Variants in SMNDC1 observed in about 807,000 individuals in gnomAD.
SMNDC1 encodes the protein survival motor neuron domain containing 1, also known as survival of motor neuron-related-splicing factor 30.
SMNDC1 carries 5 observed loss-of-function variants against 29.2 expected under a neutral mutation model. The observed-to-expected ratio is 0.17, with a 90% CI of 0.09 to 0.36. The LOEUF is 0.36. Among genes scored for constraint, SMNDC1 ranks in the 10% least tolerant of loss-of-function variants. The pLI is 1.00. For missense variants in SMNDC1, 142 were observed against 268.5 expected (o/e 0.53, Z 3.29); for synonymous variants, 80 against 89.9 (o/e 0.89, Z 0.62).
At chr10:110,296,703 C>A (rs911875443) in intron 4 of SMNDC1, among the ~76,000 whole-genome samples, 1 of 152,200 alleles carries the variant, frequency 6.6e-6, no homozygotes, top group African/African-American at 2.4e-5. Flanking sequence ...AATGTGATCA[C>A]ATCATATCCC....
chr10:110,294,197 A>G lies in SMNDC1; in HGVS notation c.670T>C (p.Tyr224His). 6.2e-7 allele frequency: 1 copy of G among 1,604,300 alleles called. No homozygotes were observed. Residue 224 changes from tyrosine to histidine, a missense_variant, in exon 6 of 6, where the codon TAT (tyrosine) becomes CAT (histidine). By Grantham distance (83) the Tyr-to-His change is moderately conservative. Coordinates refer to ENST00000369603, the MANE Select transcript of SMNDC1 (RefSeq NM_005871.4). The part of the protein sequence containing the change: ...CGIADKPMTQ[Y>H]QDTSKYNVRH... ...ACATTGTATTTAGAGGTATCTTGAT[A>G]TTGTGTCATAGGTTTATCAGCAATT... is the stretch of plus-strand genomic sequence containing the variant.
chr10:110,303,626 C>T (rs1177386522), intron 1 of SMNDC1, 39 bp from the exon 2 acceptor site: 10 of 1,535,970 alleles, frequency 6.5e-6, no homozygotes, highest in Non-Finnish European at 8.7e-6. Context: ...GAAAACTAAA[C>T]CAAAAATCAA....
At chr10:110,300,863 G>C in intron 2 of SMNDC1, 4 of 255,954 alleles carry the variant, frequency 1.6e-5, no homozygotes, top group Non-Finnish European at 2.5e-5. Flanking sequence ...CAGCTAGCTA[G>C]CCTGGATTTT....
intron 2 of SMNDC1, among the ~76,000 whole-genome samples, chr10:110,301,676 A>G (rs938729462): frequency 6.6e-6 from 1 of 152,210 alleles, no homozygotes; most frequent in Admixed American, 6.5e-5. Context: ...TAGCAGATAT[A>G]GAACATTTCC....
intron 1 of SMNDC1, chr10:110,304,496 G>A (rs1405678504): frequency 6.6e-6 from 1 of 152,178 alleles, no homozygotes; most frequent in Non-Finnish European, 1.5e-5. Flanking sequence ...GGCTCCACAG[G>A]GAGCCGCGCG....
rs1857525154 is a variant in SMNDC1 at position 110,293,649 on chromosome 10, T to C, written c.*501A>G. ...TTGAGGAAAAACCTCAAAACAAACT[T>C]TGCCATTTACAAATTAACCTATCTT... On this transcript the variant is annotated 3_prime_UTR_variant, in exon 6 of 6. Transcript: ENST00000369603. 6.6e-6 allele frequency: 1 copy of C among 152,204 alleles called. No homozygotes were observed. Among genetic ancestry groups the C allele is most frequent in the Admixed American group, 6.5e-5 (1 of 15,274 alleles). The allele number at this position is 152,204 out of a possible 1,614,324, so 9.4% of individuals were successfully genotyped here. A position where few individuals can be genotyped will look rare whatever the true frequency, so the allele number is the denominator to read the frequency against.
In SMNDC1 at chr10:110,291,126, TTTC is replaced by T. The variant is rs1049252235; in HGVS notation, c.*3021_*3023del. ...TTCATGATTAGGCTAAAAGGTAATT[TTTC>T]TTCATTTCCAAAGTCAAACTTTTAT... On this transcript the variant is annotated 3_prime_UTR_variant, in exon 6 of 6. Transcript: ENST00000369603. The T allele has an allele frequency of 1.1e-4, 17 of 152,328 alleles. No homozygotes were observed. Among genetic ancestry groups the T allele is most frequent in the African/African-American group, 4.1e-4 (17 of 41,566 alleles). The allele number at this position is 152,328 out of a possible 1,614,324, so 9.4% of individuals were successfully genotyped here. A position where few individuals can be genotyped will look rare whatever the true frequency, so the allele number is the denominator to read the frequency against.
rs1299390084 is a variant in SMNDC1, at chr10:110,292,569, A to G, written c.*1581T>C. 1 of 152,202 alleles carries G rather than the reference A, an allele frequency of 6.6e-6. No homozygotes were observed. Among genetic ancestry groups the G allele is most frequent in the East Asian group, 1.9e-4 (1 of 5,198 alleles). 9.4% of individuals were successfully genotyped at this position (152,202 alleles called of 1,614,324 possible). Reference sequence around the variant, plus strand: ...ATTGATAAGCTCTTAAGATGTTACAATAACAAAGTATATTTTATTTAGAAG... The same window carrying G: ...ATTGATAAGCTCTTAAGATGTTACAGTAACAAAGTATATTTTATTTAGAAG... On this transcript the variant is annotated 3_prime_UTR_variant, in exon 6 of 6. Transcript: ENST00000369603.
At position 110,298,726 on chromosome 10, in the gene SMNDC1, T is replaced by A. The variant is rs528830154; in HGVS notation, c.185A>T (p.Asp62Val). ...TQPSETLASSDSFASTQPTHS... is the reference protein window; with the variant it reads ...TQPSETLASSVSFASTQPTHS... ...AGTAGGTTGAGTAGAAGCAAAACTG[T>A]CTGAACTTGCAAGCGTCTCAGAAGG... Residue 62 changes from aspartate to valine, a missense_variant, in exon 3 of 6, where the codon GAC becomes GTC. By Grantham distance (152) the Asp-to-Val change is radical. Transcript: ENST00000369603. The A allele has an allele frequency of 1.9e-6, 3 of 1,613,792 alleles. No individual in the cohort carries two copies. Among genetic ancestry groups the A allele is most frequent in the African/African-American group, 2.7e-5 (2 of 75,052 alleles).
At chr10:110,304,387 C>T (rs530322977) in intron 1 of SMNDC1, 2 of 152,342 alleles carry the variant, frequency 1.3e-5, no homozygotes, top group South Asian at 4.1e-4. Flanking sequence ...CCCCGCCACG[C>T]AGCACCTCAA....
chr10:110,292,718 TGGAA>T lies in SMNDC1; in HGVS notation c.*1428_*1431del, dbSNP rs1857512545. On this transcript the variant is annotated 3_prime_UTR_variant, in exon 6 of 6. Coordinates refer to ENST00000369603, the MANE Select transcript of SMNDC1 (RefSeq NM_005871.4). ...CCTCCTGGGTTGAGAGGGGTGGGTG[TGGAA>T]GGGAGAGATGAAGAATTCTACCTAC... The T allele has an allele frequency of 6.6e-6, 1 of 152,068 alleles. No individual in the cohort carries two copies. The highest frequency in any genetic ancestry group is 6.5e-5 in the Admixed American group (1 of 15,272). The allele number at this position is 152,068 out of a possible 1,614,324, so 9.4% of individuals were successfully genotyped here. A position where few individuals can be genotyped will look rare whatever the true frequency, so the allele number is the denominator to read the frequency against.
chr10:110,300,243 T>A, intron 2 of SMNDC1, among the ~76,000 whole-genome samples: 1 of 152,208 alleles, frequency 6.6e-6, no homozygotes. Flanking sequence ...GATTTAGAAC[T>A]CTATTTCTTT....
At chr10:110,299,879 GAAGA>G (rs1267011028) in intron 2 of SMNDC1, among the ~76,000 whole-genome samples, 6 of 152,116 alleles carry the variant, frequency 3.9e-5, no homozygotes, top group African/African-American at 1.4e-4. Flanking sequence ...TAAATCTCTT[GAAGA>G]AAGGTTAGTT....
chr10:110,298,556 T>C (rs1386131267), intron 3 of SMNDC1, 92 bp downstream of exon 3: 6 of 1,070,356 alleles, frequency 5.6e-6, no homozygotes, highest in South Asian at 1.7e-5. Flanking sequence ...GAAGTCAAGA[T>C]TAAAATAGGG....
intron 5 of SMNDC1, among the ~76,000 whole-genome samples, chr10:110,294,700 G>A (rs1327935729): frequency 6.6e-6 from 1 of 152,192 alleles, no homozygotes; most frequent in African/African-American, 2.4e-5. Flanking sequence ...TTATGAAAAG[G>A]AAGCGCTTCT....
intron 2 of SMNDC1, chr10:110,300,875 T>A (rs193028030): frequency 1.0e-5 from 2 of 197,018 alleles, no homozygotes; most frequent in Non-Finnish European, 1.8e-5. Context: ...CTGGATTTTA[T>A]CACACCCACT....
intron 2 of SMNDC1, among the ~76,000 whole-genome samples, chr10:110,302,350 T>C (rs951258861): frequency 6.6e-6 from 1 of 152,208 alleles, no homozygotes; most frequent in Admixed American, 6.5e-5. Context: ...AGGGGTCTTG[T>C]TCATATTGAA....
chr10:110,298,835 C>G (rs748177062), intron 2 of SMNDC1, 45 bp from the exon 3 acceptor site: 23 of 1,478,178 alleles, frequency 1.6e-5, no homozygotes, highest in Non-Finnish European at 2.0e-5. Flanking sequence ...TTATAATTCT[C>G]ATTGTCAACT....
At chr10:110,296,471 A>G (rs572213029) in intron 4 of SMNDC1, among the ~76,000 whole-genome samples, 1 of 152,350 alleles carries the variant, frequency 6.6e-6, no homozygotes, top group East Asian at 1.9e-4. Flanking sequence ...TCAAATATAA[A>G]TATGTAGCAA....
Sources: gnomAD v4.1 joint callset for allele counts (sites outside exome capture counted in the v4.1 genomes callset) on GRCh38, gnomAD v4.1.1 for gene constraint, MANE v1.5 for transcripts, NCBI Gene and HGNC (gene_info 2026-07-23, HGNC 2026-07-21) for gene names.